Variants in SRGAP1 observed in about 807,000 individuals in gnomAD.
SRGAP1 encodes SLIT-ROBO Rho GTPase activating protein 1.
In SRGAP1, 43 loss-of-function variants were observed where a neutral mutation model predicts 121.9. The observed-to-expected ratio is 0.35, with a 90% CI of 0.28 to 0.46. The LOEUF (loss-of-function observed/expected upper bound fraction) is 0.46. SRGAP1 is among the 20% of genes least tolerant of loss of function. The probability of loss-of-function intolerance (pLI) is 1.00; values close to 1 mark genes in which losing one functional copy is unlikely to be tolerated. For synonymous variants in SRGAP1, 447 were observed against 485.4 expected (o/e 0.92, Z 1.04); for missense variants, 1,102 against 1,350.9 (o/e 0.82, Z 2.89).
At chr12:63,956,720 C>CTTTTTTTT (rs3067620) in intron 1 of SRGAP1, among the ~76,000 whole-genome samples, 2 of 96,974 alleles carry the variant, frequency 2.1e-5, no homozygotes, top group Non-Finnish European at 2.0e-5. Flanking sequence ...GTAAGCAAGG[C>CTTTTTTTT]TTTTTTTTTT....
intron 1 of SRGAP1, among the ~76,000 whole-genome samples, chr12:63,969,740 A>G (rs927975020): frequency 2.0e-5 from 3 of 151,638 alleles, no homozygotes; most frequent in South Asian, 2.1e-4. Context: ...CTTGCAGTGA[A>G]CCGAGATTGT....
intron 4 of SRGAP1, among the ~76,000 whole-genome samples, chr12:64,020,202 G>A (rs755379714): frequency 1.3e-5 from 2 of 152,254 alleles, no homozygotes; most frequent in South Asian, 4.1e-4. Context: ...AGAGAGAGAC[G>A]CCCTATGGTC....
intron 3 of SRGAP1, among the ~76,000 whole-genome samples, chr12:63,997,406 A>G (rs2136428734): frequency 6.6e-6 from 1 of 152,234 alleles, no homozygotes; most frequent in African/African-American, 2.4e-5. Context: ...TCCTTAGAAT[A>G]TGTCTCTGTG....
chr12:64,062,336 G>T (rs78544585), intron 6 of SRGAP1, among the ~76,000 whole-genome samples: 1 of 152,092 alleles, frequency 6.6e-6, no homozygotes, highest in Non-Finnish European at 1.5e-5. Flanking sequence ...TTTGTATGTC[G>T]TCTTTGAAGA....
chr12:64,048,192 A>G (rs1300926528), intron 6 of SRGAP1, among the ~76,000 whole-genome samples: 13 of 152,090 alleles, frequency 8.5e-5, no homozygotes, highest in African/African-American at 3.1e-4. Flanking sequence ...GTCTATCTCC[A>G]TAAGTTTAAT....
intron 1 of SRGAP1, among the ~76,000 whole-genome samples, chr12:63,877,690 AGATGTGTG>A (rs1900072198): frequency 6.6e-6 from 1 of 152,216 alleles, no homozygotes; most frequent in Non-Finnish European, 1.5e-5. Flanking sequence ...AGGCTAATTT[AGATGTGTG>A]GTGGTGTCTA....
At chr12:63,901,370 G>T (rs1446113900) in intron 1 of SRGAP1, among the ~76,000 whole-genome samples, 1 of 152,182 alleles carries the variant, frequency 6.6e-6, no homozygotes, top group African/African-American at 2.4e-5. Flanking sequence ...TCTCCCTGTT[G>T]AGTTGTATTG....
chr12:64,100,300 A>G (rs2036233856), intron 15 of SRGAP1, among the ~76,000 whole-genome samples: 2 of 152,334 alleles, frequency 1.3e-5, no homozygotes, highest in South Asian at 4.1e-4. Context: ...CTCAAGTTAC[A>G]TTGTTTCCAG....
At chr12:64,033,015 C>A (rs1385780627) in intron 4 of SRGAP1, among the ~76,000 whole-genome samples, 2 of 151,576 alleles carry the variant, frequency 1.3e-5, no homozygotes, top group African/African-American at 4.9e-5. Context: ...TTTTAAATCC[C>A]CAAAAAAGAA....
chr12:64,021,520 G>A (rs1295858985), intron 4 of SRGAP1, among the ~76,000 whole-genome samples: 2 of 152,220 alleles, frequency 1.3e-5, no homozygotes, highest in Admixed American at 1.3e-4. Context: ...CTAAGGCTCA[G>A]AGGGACTTGC....
intron 1 of SRGAP1, among the ~76,000 whole-genome samples, chr12:63,912,767 A>G (rs985795065): frequency 1.3e-5 from 2 of 152,198 alleles, no homozygotes; most frequent in East Asian, 1.9e-4. Flanking sequence ...CTAGTTTTAC[A>G]TGGTAGGGAT....
Position 64,157,521 on chromosome 12 carries a change from CTT to C in SRGAP1, c.*14851_*14852del, listed in dbSNP as rs1056173866. 6.6e-6 allele frequency: 1 copy of C among 152,130 alleles called. No individual in the cohort carries two copies. The highest frequency in any genetic ancestry group is 1.5e-5 in the Non-Finnish European group (1 of 68,036). 9.4% of individuals were successfully genotyped at this position (152,130 alleles called of 1,614,324 possible). A position where few individuals can be genotyped will look rare whatever the true frequency, so the allele number is the denominator to read the frequency against. On this transcript the variant is annotated 3_prime_UTR_variant, in exon 22 of 22. Transcript: ENST00000355086. ...CATGTACAAATTTATTAAAAATACT[CTT>C]TCAATTCCTTCTCTCTGCCTGACAT... is the stretch of plus-strand genomic sequence containing the variant.
intron 1 of SRGAP1, among the ~76,000 whole-genome samples, chr12:63,900,352 C>T (rs1315414720): frequency 2.6e-5 from 4 of 151,168 alleles, no homozygotes; most frequent in African/African-American, 9.7e-5. Context: ...ACTACAGGTG[C>T]GTGCCATCAC....
chr12:64,133,515 C>T (rs1309310870), intron 21 of SRGAP1, among the ~76,000 whole-genome samples: 1 of 152,212 alleles, frequency 6.6e-6, no homozygotes, highest in Non-Finnish European at 1.5e-5. Context: ...CAGCTCAGAG[C>T]CAGTGTCCAT....
rs2037195566 is a variant in SRGAP1, at chr12:64,159,576, C to A, written c.*16904C>A. ...ATCGCTTGAGCCTGGGAGGTAGACG[C>A]TGCAGTGAGCTGAGATCATACCTCT... On this transcript the variant is annotated 3_prime_UTR_variant, in exon 22 of 22. Transcript: ENST00000355086. 1 of 152,546 alleles carries A rather than the reference C, an allele frequency of 6.6e-6. No individual in the cohort carries two copies. The highest frequency in any genetic ancestry group is 1.5e-5 in the Non-Finnish European group (1 of 68,356). The allele number at this position is 152,546 out of a possible 1,614,324, so 9.4% of individuals were successfully genotyped here. A position where few individuals can be genotyped will look rare whatever the true frequency, so the allele number is the denominator to read the frequency against.
At chr12:64,112,638 T>C (rs1025862963) in intron 17 of SRGAP1, among the ~76,000 whole-genome samples, 34 of 152,224 alleles carry the variant, frequency 2.2e-4, no homozygotes, top group African/African-American at 8.0e-4. Context: ...CATTCAGTGC[T>C]AGACACTTAG....
chr12:64,060,181 C>A (rs2035421207), intron 6 of SRGAP1, among the ~76,000 whole-genome samples: 1 of 140,554 alleles, frequency 7.1e-6, no homozygotes. Context: ...TCCCTTTTTT[C>A]TTCCTTCCTT....
At chr12:63,869,158 A>G (rs893435167) in intron 1 of SRGAP1, among the ~76,000 whole-genome samples, 2 of 152,298 alleles carry the variant, frequency 1.3e-5, no homozygotes, top group African/African-American at 4.8e-5. Flanking sequence ...TAATGAAAAT[A>G]TATTTGTTGG....
At chr12:64,137,350 T>C (rs1312299573) in intron 21 of SRGAP1, among the ~76,000 whole-genome samples, 4 of 148,048 alleles carry the variant, frequency 2.7e-5, no homozygotes, top group Non-Finnish European at 6.0e-5. Flanking sequence ...TAAATACTTG[T>C]AAAAAAAAAA....
Sources: gnomAD v4.1 joint callset for allele counts (sites outside exome capture counted in the v4.1 genomes callset) on GRCh38, gnomAD v4.1.1 for gene constraint, MANE v1.5 for transcripts, NCBI Gene and HGNC (gene_info 2026-07-23, HGNC 2026-07-21) for gene names.